The following ABCA13 variants were observed in gnomAD, a reference collection of about 807,000 sequenced individuals.
ABCA13 encodes the protein ATP binding cassette subfamily A member 13.
A neutral mutation model predicts 478.7 loss-of-function variants in ABCA13; 476 were observed. That is an observed-to-expected ratio of 0.99 (90% CI 0.92 to 1.07). The LOEUF (loss-of-function observed/expected upper bound fraction) is 1.07, where lower values mean the gene tolerates loss of function less well. ABCA13 is among the 50% of genes least tolerant of loss of function. ABCA13 has a pLI of 0.00. For missense variants in ABCA13, 6,060 were observed against 5,910.6 expected (o/e 1.03, Z -0.83); for synonymous variants, 2,252 against 2,158.9 (o/e 1.04, Z -1.20).
At chr7:48,185,798 A>G (rs1796275325) in intron 1 of ABCA13, among the ~76,000 whole-genome samples, 1 of 152,096 alleles carries the variant, frequency 6.6e-6, no homozygotes, top group Non-Finnish European at 1.5e-5. Flanking sequence ...ATGAAGGTAA[A>G]TTCAGAATTT....
At chr7:48,603,302 T>C (rs1048195357) in intron 58 of ABCA13, among the ~76,000 whole-genome samples, 3 of 152,202 alleles carry the variant, frequency 2.0e-5, no homozygotes, top group Non-Finnish European at 4.4e-5. Context: ...ATCCTCATCT[T>C]GTGCTGGTTT....
At position 48,455,290 on chromosome 7, in the gene ABCA13, A is replaced by G. The variant is rs1218911507; in HGVS notation, c.12815+4A>G. 5.6e-6 allele frequency: 9 copies of G among 1,597,058 alleles called. No homozygotes were observed. Among genetic ancestry groups the G allele is most frequent in the Middle Eastern group, 1.7e-4 (1 of 6,028 alleles). Reference sequence around the variant, plus strand: ...GGGCCGAGACCTACTTTTTCAGGTAAGTTGTTTTTGTTCCTTTGATTTCGA... The same window carrying G: ...GGGCCGAGACCTACTTTTTCAGGTAGGTTGTTTTTGTTCCTTTGATTTCGA... On this transcript the variant is annotated splice_donor_region_variant and intron_variant, in intron 43 of 61. Transcript: ENST00000435803.
At position 48,273,997 on chromosome 7, in the gene ABCA13, T is replaced by TA. The variant is rs781126037; in HGVS notation, c.4338dup (p.Pro1447ThrfsTer22). 7 of 1,607,840 alleles carry TA rather than the reference T, an allele frequency of 4.4e-6. No homozygotes were observed. The highest frequency in any genetic ancestry group is 2.2e-5 in the East Asian group (1 of 44,730). On this transcript the variant is annotated frameshift_variant, in exon 17 of 62. Transcript: ENST00000435803. LOFTEE classifies it high-confidence loss of function. ...AAAATTGTAACTTGGGTGTTAAATA[T>TA]AAAAAAACCTCTTTGTTCATCAAAT...
At chr7:48,188,190 C>T (rs1562730304) in intron 1 of ABCA13, among the ~76,000 whole-genome samples, 1 of 152,126 alleles carries the variant, frequency 6.6e-6, no homozygotes, top group Non-Finnish European at 1.5e-5. Context: ...CTTTATTAGA[C>T]CAGTTGGGCT....
chr7:48,241,982 A>G (rs1790900444), intron 10 of ABCA13, among the ~76,000 whole-genome samples: 1 of 152,188 alleles, frequency 6.6e-6, no homozygotes, highest in Non-Finnish European at 1.5e-5. Flanking sequence ...CATAAAAGCT[A>G]CAGGAGGATG....
intron 43 of ABCA13, among the ~76,000 whole-genome samples, chr7:48,455,964 C>T (rs1031160694): frequency 2.0e-5 from 3 of 152,240 alleles, no homozygotes; most frequent in Non-Finnish European, 2.9e-5. Context: ...TTAGCGGGCT[C>T]CTCTCTAGAT....
At chr7:48,484,286 G>A (rs990521026) in intron 47 of ABCA13, among the ~76,000 whole-genome samples, 3 of 152,156 alleles carry the variant, frequency 2.0e-5, no homozygotes, top group African/African-American at 7.2e-5. Context: ...TAGTGTGGAC[G>A]ATTCAGGAAT....
Position 48,412,604 on chromosome 7 carries a change from T to A in ABCA13, c.12459+21T>A, listed in dbSNP as rs150448165. ...AAGAGGTACTGAGAAAACTGAAGCG[T>A]GCTTTAATTATTTATGCCTTTTTGA... On this transcript the variant is annotated intron_variant, in intron 41 of 61. Transcript: ENST00000435803. 9.1e-4 allele frequency: 1,428 copies of A among 1,573,628 alleles called. 13 individuals carry two copies. The African/African-American group carries it at 0.017, about 19-fold the overall frequency.
In ABCA13 at chr7:48,193,031, C is replaced by A; in HGVS notation, c.142C>A (p.Pro48Thr). ...VILTVLRFQE[P>T]PRYRDICYLQ... ...TCTGACAGTTCTTCGTTTTCAAGAA[C>A]CTCCCAGATACAGAGACATTTGTAA... The change falls in exon 2 of 62, where the codon CCT becomes ACT. Residue 48 changes from proline to threonine, a missense_variant. Physicochemically the swap from Pro to Thr is conservative, Grantham distance 38. Coordinates refer to ENST00000435803, the MANE Select transcript of ABCA13 (RefSeq NM_152701.5). 2.0e-6 allele frequency: 3 copies of A among 1,534,336 alleles called. No homozygotes were observed. The highest frequency in any genetic ancestry group is 1.7e-6 in the Non-Finnish European group (2 of 1,145,912).
At chr7:48,215,890 C>T (rs1160340857) in intron 3 of ABCA13, among the ~76,000 whole-genome samples, 3 of 152,146 alleles carry the variant, frequency 2.0e-5, no homozygotes, top group Non-Finnish European at 4.4e-5. Flanking sequence ...TGCCTTCTTT[C>T]ACTTAGCACG....
intron 55 of ABCA13, among the ~76,000 whole-genome samples, chr7:48,559,046 T>C (rs1209227320): frequency 6.6e-6 from 1 of 152,174 alleles, no homozygotes; most frequent in Non-Finnish European, 1.5e-5. Flanking sequence ...CCACCTATGT[T>C]CACTCAAGGC....
chr7:48,259,311 T>A (rs1793844101), intron 15 of ABCA13, among the ~76,000 whole-genome samples: 1 of 152,210 alleles, frequency 6.6e-6, no homozygotes, highest in African/African-American at 2.4e-5. Flanking sequence ...ATATGTAGGA[T>A]AGCTAGGTCT....
intron 58 of ABCA13, among the ~76,000 whole-genome samples, chr7:48,604,127 T>C (rs1791208072): frequency 6.6e-6 from 1 of 152,184 alleles, no homozygotes; most frequent in Non-Finnish European, 1.5e-5. Flanking sequence ...TCTCTTTTCT[T>C]CTTTATTAAT....
Position 48,374,411 on chromosome 7 carries a change from A to G in ABCA13, c.11198A>G (p.Glu3733Gly). Reference protein sequence around the residue: ...VFFITFLEGQETGIQWNNMYQ... With the variant: ...VFFITFLEGQGTGIQWNNMYQ... The stretch of plus-strand genomic sequence containing the variant: ...TTTATTACATTCCTGGAAGGACAAG[A>G]GACAGGTAAGAGCATGCATGTGTAA... Residue 3733 changes from glutamate to glycine, a missense_variant, in exon 34 of 62, where the codon GAG becomes GGG. This residue lies in a region of ABCA13 where 4,423 missense variants were observed against 4,309.1 expected (regional missense o/e 1.03). Transcript: ENST00000435803. The G allele has an allele frequency of 6.2e-7, 1 of 1,608,350 alleles. No individual in the cohort carries two copies. The highest frequency in any genetic ancestry group is 1.1e-5 in the South Asian group (1 of 89,442).
At chr7:48,290,940 GAAAAAA>G (rs57470116) in intron 20 of ABCA13, among the ~76,000 whole-genome samples, 5 of 48,832 alleles carry the variant, frequency 1.0e-4, no homozygotes, top group East Asian at 1.1e-3. Context: ...CACACTCAGG[GAAAAAA>G]AAAAAAAAAA....
At chr7:48,546,518 G>A (rs1421866452) in intron 55 of ABCA13, among the ~76,000 whole-genome samples, 1 of 151,610 alleles carries the variant, frequency 6.6e-6, no homozygotes, top group Non-Finnish European at 1.5e-5. Context: ...CGCTATGATC[G>A]TGTGTTAGAT....
intron 1 of ABCA13, among the ~76,000 whole-genome samples, chr7:48,174,465 CTTA>C (rs1335559124): frequency 1.3e-5 from 2 of 151,880 alleles, no homozygotes; most frequent in Non-Finnish European, 2.9e-5. Flanking sequence ...CAAAAAACAT[CTTA>C]TTATAGATTC....
At chr7:48,634,294 T>C (rs1345721179) in intron 59 of ABCA13, among the ~76,000 whole-genome samples, 1 of 152,222 alleles carries the variant, frequency 6.6e-6, no homozygotes, top group African/African-American at 2.4e-5. Flanking sequence ...GGTTTTGGTA[T>C]TGTGGTAACA....
chr7:48,388,572 C>A (rs116116179), intron 36 of ABCA13, among the ~76,000 whole-genome samples: 1 of 152,200 alleles, frequency 6.6e-6, no homozygotes, highest in Non-Finnish European at 1.5e-5. Flanking sequence ...CAGAGATAAA[C>A]AAGCTCCCAT....
Sources: gnomAD v4.1 joint callset for allele counts (sites outside exome capture counted in the v4.1 genomes callset) on GRCh38, gnomAD v4.1.1 for gene constraint, gnomAD v4.1.1 regional missense constraint, MANE v1.5 for transcripts, NCBI Gene and HGNC (gene_info 2026-07-23, HGNC 2026-07-21) for gene names.